The following CSMD2 variants were observed in gnomAD, a reference collection of about 807,000 sequenced individuals.
CSMD2 encodes the protein CUB and Sushi multiple domains 2, also known as CUB and sushi domain-containing protein 2.
Under a neutral mutation model 398.5 loss-of-function variants are expected in CSMD2, and 130 were observed. That is an observed-to-expected ratio of 0.33 (90% confidence interval 0.28 to 0.38). The LOEUF (loss-of-function observed/expected upper bound fraction) is 0.38, where lower values mean the gene tolerates loss of function less well. Among genes scored for constraint, CSMD2 ranks in the 10% least tolerant of loss-of-function variants. The pLI, the probability that CSMD2 is intolerant of heterozygous loss-of-function variation, is 1.00. For missense variants in CSMD2, 3,829 were observed against 4,764.9 expected, an observed-to-expected ratio of 0.80 and a Z score of 5.78; for synonymous variants, 1,828 against 1,908.5, an observed-to-expected ratio of 0.96 and a Z score of 1.10.
intron 3 of CSMD2, among the ~76,000 whole-genome samples, chr1:33,953,128 G>C (rs1004559307): frequency 3.9e-5 from 6 of 152,174 alleles, no homozygotes; most frequent in African/African-American, 1.4e-4. Context: ...ACAGGCCATG[G>C]CCAGGCTTAG....
At position 33,617,004 on chromosome 1, in the gene CSMD2, AG is replaced by A. The variant is rs1557628251; in HGVS notation, c.5947-30del. ...GAGGAATCAGGAACAGGGATGGGCT[AG>A]CTGTCCCCGTGGGCACAATTGTATG... On this transcript the variant is annotated intron_variant, in intron 38 of 70. Transcript: ENST00000373381. The A allele has an allele frequency of 2.5e-6, 4 of 1,595,086 alleles. No homozygotes were observed. The Admixed American group carries it at 6.7e-5, about 27-fold the overall frequency.
chr1:34,124,294 G>C (rs111368933), intron 1 of CSMD2, among the ~76,000 whole-genome samples: 1 of 152,296 alleles, frequency 6.6e-6, no homozygotes, highest in Admixed American at 6.5e-5. Context: ...CAACCATTTT[G>C]AATTTATGTC....
rs760079864 is a variant in CSMD2 at position 33,810,733 on chromosome 1, A to G, written c.1446+10T>C. On this transcript the variant is annotated intron_variant, in intron 10 of 70. Transcript: ENST00000373381. ...CCACAGAACACCACCCCGCTCCCCAAGAGGCTTACCTTGGAGGGGTTGAGT... is the reference window on the plus strand; with the variant it reads ...CCACAGAACACCACCCCGCTCCCCAGGAGGCTTACCTTGGAGGGGTTGAGT... 5.1e-5 allele frequency: 82 copies of G among 1,612,066 alleles called. 1 individual carries two copies. In the South Asian group the frequency reaches 7.8e-4, roughly 15 times the overall value.
chr1:33,770,266 C>T (rs1651084613), intron 13 of CSMD2, among the ~76,000 whole-genome samples: 1 of 152,222 alleles, frequency 6.6e-6, no homozygotes, highest in African/African-American at 2.4e-5. Context: ...AGAGAAGATG[C>T]TTGGCTTTAG....
intron 10 of CSMD2, among the ~76,000 whole-genome samples, chr1:33,801,223 G>T (rs147949086): frequency 4.0e-4 from 61 of 151,912 alleles, no homozygotes; most frequent in African/African-American, 1.4e-3. Flanking sequence ...CTTCTGTCTC[G>T]CTTTTCATTC....
intron 13 of CSMD2, among the ~76,000 whole-genome samples, chr1:33,747,689 T>C (rs1002759598): frequency 6.6e-6 from 1 of 152,174 alleles, no homozygotes. Context: ...TACAACCCTC[T>C]CTTTGGGACA....
chr1:34,058,980 T>C (rs1024988926), intron 2 of CSMD2, among the ~76,000 whole-genome samples: 13 of 152,144 alleles, frequency 8.5e-5, no homozygotes, highest in Non-Finnish European at 1.8e-4. Flanking sequence ...GTGAATGTCC[T>C]AGGCAAAGAA....
Position 33,527,211 on chromosome 1 carries a change from G to A in CSMD2, c.10219C>T (p.Leu3407Phe). The change falls in exon 65 of 71, where the codon CTC becomes TTC. Residue 3407 changes from leucine (L) to phenylalanine (F), a missense_variant. Physicochemically the swap from Leu to Phe is conservative, Grantham distance 22 (BLOSUM62 0). This residue lies in a region of CSMD2 where 917 missense variants were observed against 1,199.5 expected (regional missense o/e 0.76). Transcript: ENST00000373381. ...CCATACGTACTCAAGGCTTGGGTGA[G>A]CGGTGGCTCCCGGGCAGTGTTGATG... ...RPINTAREPPLTQALIPGDVF... is the reference protein window; with the variant it reads ...RPINTAREPPFTQALIPGDVF... The A allele has an allele frequency of 6.2e-7, 1 of 1,614,098 alleles. No homozygotes were observed. Among genetic ancestry groups the A allele is most frequent in the Non-Finnish European group, 8.5e-7 (1 of 1,179,936 alleles).
chr1:34,054,942 A>G (rs1653650926), intron 2 of CSMD2, among the ~76,000 whole-genome samples: 2 of 152,128 alleles, frequency 1.3e-5, no homozygotes, highest in African/African-American at 4.8e-5. Flanking sequence ...TTTCTAAGTC[A>G]TTTTCAAAAA....
chr1:33,680,918 C>CTTTTTTTTTTTTTTTTTTTTT (rs66489770), intron 25 of CSMD2, among the ~76,000 whole-genome samples: 3 of 75,932 alleles, frequency 4.0e-5, no homozygotes, highest in African/African-American at 5.4e-5. Flanking sequence ...CTGTTTTATG[C>CTTTTTTTTTTTTTTTTTTTTT]TTTTTTTTTT....
intron 44 of CSMD2, chr1:33,592,065 A>G (rs1024393741): frequency 3.0e-6 from 1 of 335,242 alleles, no homozygotes; most frequent in Non-Finnish European, 5.7e-6. Context: ...GAACCTTTGG[A>G]TGTAAATAAA....
At chr1:34,021,305 C>G (rs1648841610) in intron 3 of CSMD2, among the ~76,000 whole-genome samples, 1 of 152,176 alleles carries the variant, frequency 6.6e-6, no homozygotes, top group Non-Finnish European at 1.5e-5. Context: ...GGGCTGGGGT[C>G]AGTGGAGGAA....
chr1:33,639,697 A>G (rs1643002313), intron 29 of CSMD2, among the ~76,000 whole-genome samples: 1 of 152,196 alleles, frequency 6.6e-6, no homozygotes, highest in Non-Finnish European at 1.5e-5. Flanking sequence ...TTGGAAAATC[A>G]ACAACCACAT....
chr1:33,896,647 T>A (rs1001906474), intron 5 of CSMD2, among the ~76,000 whole-genome samples: 1 of 152,040 alleles, frequency 6.6e-6, no homozygotes, highest in African/African-American at 2.4e-5. Context: ...GGGGTTGAAC[T>A]CCCAACTTCC....
chr1:33,674,132 G>A (rs907950319), intron 25 of CSMD2, among the ~76,000 whole-genome samples: 4 of 152,152 alleles, frequency 2.6e-5, no homozygotes, highest in Non-Finnish European at 5.9e-5. Flanking sequence ...ATGTATATGG[G>A]CTAAATGCTC....
intron 67 of CSMD2, among the ~76,000 whole-genome samples, chr1:33,523,004 A>T (rs1654451741): frequency 1.3e-5 from 2 of 152,174 alleles, no homozygotes; most frequent in Non-Finnish European, 2.9e-5. Context: ...AATACCTTCA[A>T]CTAGCCTGAA....
Position 33,819,756 on chromosome 1 carries a change from G to A in CSMD2, c.1281C>T (p.Ser427=), listed in dbSNP as rs1460366579. ...GGTCGCTCCAGGCCGCAAACATGTC[G>A]CTCACTTTCATACAGGTGATCCGCT... ...GSKRITCMKV[S]DMFAAWSDHR... The change falls in exon 9 of 71, where the codon AGC becomes AGT. Residue 427 remains serine (S), a synonymous_variant. Transcript: ENST00000373381. 7 of 1,613,988 alleles carry A rather than the reference G, an allele frequency of 4.3e-6. No homozygotes were observed. The highest frequency in any genetic ancestry group is 5.1e-6 in the Non-Finnish European group (6 of 1,180,000).
Position 34,163,527 on chromosome 1 carries a change from A to C in CSMD2, c.187+1384T>G, listed in dbSNP as rs1188234218. On this transcript the variant is annotated intron_variant, in intron 1 of 70. Coordinates refer to ENST00000373381, the MANE Select transcript of CSMD2 (RefSeq NM_001281956.2). The surrounding 1 kb of genome is among the most constrained non-coding windows in gnomAD (Gnocchi z 5.4). ...ACAGACTCACAAGACGCTGAAGGCCAGAGTGGGCCAGAGAGCTCGCCACTC... is the reference window on the plus strand; with the variant it reads ...ACAGACTCACAAGACGCTGAAGGCCCGAGTGGGCCAGAGAGCTCGCCACTC... 6.6e-6 allele frequency among the ~76,000 whole-genome samples: 1 copy of C among 152,210 alleles called. No homozygotes were observed. The highest frequency in any genetic ancestry group is 1.5e-5 in the Non-Finnish European group (1 of 68,030).
chr1:33,786,508 C>T (rs371186997), intron 12 of CSMD2, among the ~76,000 whole-genome samples: 11 of 152,178 alleles, frequency 7.2e-5, no homozygotes, highest in African/African-American at 1.4e-4. Flanking sequence ...CGGAACAGCC[C>T]GCTCATTGAA....
Sources: allele counts gnomAD v4.1 joint callset (sites outside exome capture counted in the v4.1 genomes callset), GRCh38; gene constraint gnomAD v4.1.1; regional missense constraint gnomAD v4.1.1; non-coding constraint Gnocchi (gnomAD v3.1); transcripts MANE v1.5; gene names NCBI Gene and HGNC (gene_info 2026-07-23, HGNC 2026-07-21).